The following CDH18 variants were observed in gnomAD, a reference collection of about 807,000 sequenced individuals.
The protein encoded by CDH18 is cadherin-18.
In CDH18, 31 loss-of-function variants were observed where a neutral mutation model predicts 67.9. That is an observed-to-expected ratio of 0.46 (90% confidence interval 0.34 to 0.62). The LOEUF (loss-of-function observed/expected upper bound fraction) is 0.62. Ranked by LOEUF, CDH18 falls within the 20% of genes least tolerant of loss-of-function variation. The probability of loss-of-function intolerance (pLI) is 0.01; values close to 1 mark genes in which losing one functional copy is unlikely to be tolerated. For missense variants in CDH18, 890 were observed against 975.5 expected (o/e 0.91, Z 1.17); for synonymous variants, 362 against 347.2 (o/e 1.04, Z -0.48).
intron 1 of CDH18, among the ~76,000 whole-genome samples, chr5:20,456,805 A>G (rs1750866917): frequency 6.6e-6 from 1 of 152,122 alleles, no homozygotes; most frequent in Non-Finnish European, 1.5e-5. Context: ...TCTAAGGAAG[A>G]ATGTAGCTGC....
At chr5:20,256,738 TC>T (rs1744260800) in intron 1 of CDH18, among the ~76,000 whole-genome samples, 1 of 152,004 alleles carries the variant, frequency 6.6e-6, no homozygotes, top group Non-Finnish European at 1.5e-5. Flanking sequence ...ATGACTGGTA[TC>T]TAAGAGAAAA....
chr5:20,225,908 T>C (rs1741588655), intron 2 of CDH18, among the ~76,000 whole-genome samples: 2 of 152,002 alleles, frequency 1.3e-5, no homozygotes, highest in South Asian at 4.2e-4. Context: ...AATGTTCTAA[T>C]TGTAAATGGA....
At chr5:20,377,101 C>T (rs1263818566) in intron 1 of CDH18, among the ~76,000 whole-genome samples, 2 of 151,920 alleles carry the variant, frequency 1.3e-5, no homozygotes, top group Admixed American at 6.6e-5. Context: ...TTCCCTCACT[C>T]GTGAAATAAA....
At chr5:19,523,071 A>G (rs1747184638) in intron 9 of CDH18, among the ~76,000 whole-genome samples, 2 of 152,178 alleles carry the variant, frequency 1.3e-5, no homozygotes, top group South Asian at 2.1e-4. Flanking sequence ...GGCATTACAG[A>G]TCAATGGTGA....
intron 1 of CDH18, among the ~76,000 whole-genome samples, chr5:20,338,571 C>G (rs1456450710): frequency 6.6e-6 from 1 of 152,202 alleles, no homozygotes; most frequent in Non-Finnish European, 1.5e-5. Context: ...CAGATGTTTG[C>G]TTCTATGCTG....
At chr5:19,968,552 A>G (rs1365155141) in intron 2 of CDH18, among the ~76,000 whole-genome samples, 1 of 151,476 alleles carries the variant, frequency 6.6e-6, no homozygotes, top group Non-Finnish European at 1.5e-5. Flanking sequence ...ATCTACAACT[A>G]TCAGATCTTT....
chr5:20,334,627 G>T (rs1739536629), intron 1 of CDH18, among the ~76,000 whole-genome samples: 1 of 152,070 alleles, frequency 6.6e-6, no homozygotes, highest in Non-Finnish European at 1.5e-5. Flanking sequence ...TTTATGGGGT[G>T]AAAGAAGAAT....
intron 6 of CDH18, among the ~76,000 whole-genome samples, chr5:19,592,884 A>G (rs1476010119): frequency 1.3e-5 from 2 of 151,932 alleles, no homozygotes; most frequent in African/African-American, 4.8e-5. Context: ...GAATTTTACT[A>G]TTTTAGATAC....
At chr5:20,197,326 A>G (rs1304158220) in intron 2 of CDH18, among the ~76,000 whole-genome samples, 1 of 152,150 alleles carries the variant, frequency 6.6e-6, no homozygotes, top group Non-Finnish European at 1.5e-5. Context: ...TTTTTCTGGT[A>G]TTGCATTTCC....
At chr5:19,812,475 T>C (rs528897139) in intron 3 of CDH18, among the ~76,000 whole-genome samples, 1 of 152,250 alleles carries the variant, frequency 6.6e-6, no homozygotes, top group Non-Finnish European at 1.5e-5. Context: ...TATTATGTTT[T>C]GACATGGAAG....
intron 10 of CDH18, among the ~76,000 whole-genome samples, chr5:19,514,118 T>C (rs914550481): frequency 5.9e-5 from 9 of 152,200 alleles, no homozygotes; most frequent in African/African-American, 1.4e-4. Flanking sequence ...GTCCTTGTGA[T>C]AGTTTGCTCA....
At chr5:19,724,681 T>C (rs1561153710) in intron 4 of CDH18, among the ~76,000 whole-genome samples, 1 of 152,196 alleles carries the variant, frequency 6.6e-6, no homozygotes, top group Non-Finnish European at 1.5e-5. Context: ...ATGTTACCAT[T>C]ACATGCAAAT....
chr5:19,521,326 C>T (rs1394082791), intron 9 of CDH18, among the ~76,000 whole-genome samples: 1 of 152,088 alleles, frequency 6.6e-6, no homozygotes, highest in Non-Finnish European at 1.5e-5. Context: ...GAGATTCATA[C>T]ATGCAATTTA....
chr5:20,393,795 A>G (rs1745059928), intron 1 of CDH18, among the ~76,000 whole-genome samples: 1 of 151,928 alleles, frequency 6.6e-6, no homozygotes, highest in African/African-American at 2.4e-5. Flanking sequence ...ATACAATACA[A>G]TACAATACAA....
intron 1 of CDH18, among the ~76,000 whole-genome samples, chr5:20,366,461 T>C (rs1742526789): frequency 6.6e-6 from 1 of 152,202 alleles, no homozygotes; most frequent in Non-Finnish European, 1.5e-5. Context: ...TCACTTTTGC[T>C]TCTCAATAAT....
At chr5:20,304,875 T>G in intron 1 of CDH18, 1 of 1,612,044 alleles carries the variant, frequency 6.2e-7, no homozygotes, top group Non-Finnish European at 8.5e-7. Context: ...TTGCTAAATA[T>G]TTCTCATAGT....
At chr5:19,487,856 A>G (rs1561174979) in intron 11 of CDH18, among the ~76,000 whole-genome samples, 1 of 152,182 alleles carries the variant, frequency 6.6e-6, no homozygotes, top group Non-Finnish European at 1.5e-5. Context: ...TTGAAAAGCA[A>G]TCATAATAAT....
intron 4 of CDH18, among the ~76,000 whole-genome samples, chr5:19,730,434 T>A (rs1283964729): frequency 6.6e-6 from 1 of 152,234 alleles, no homozygotes; most frequent in Non-Finnish European, 1.5e-5. Flanking sequence ...AAGTTGAATA[T>A]CTCTTATGCT....
At chr5:20,271,377 G>A (rs1254249584) in intron 1 of CDH18, among the ~76,000 whole-genome samples, 1 of 151,946 alleles carries the variant, frequency 6.6e-6, no homozygotes, top group Non-Finnish European at 1.5e-5. Context: ...GGTGACTATA[G>A]TCAACCATAA....
Sources: allele counts gnomAD v4.1 joint callset (sites outside exome capture counted in the v4.1 genomes callset), GRCh38; gene constraint gnomAD v4.1.1; transcripts MANE v1.5; gene names NCBI Gene and HGNC (gene_info 2026-07-23, HGNC 2026-07-21).